Variants in PANK3 observed in about 807,000 individuals in gnomAD.
PANK3 encodes the protein hPanK3.
A neutral mutation model predicts 39.4 loss-of-function variants in PANK3; 20 were observed. The ratio of observed to expected loss-of-function variants is 0.51; its 90% CI spans 0.36 to 0.74. The LOEUF is 0.74. Among genes scored for constraint, PANK3 ranks in the 30% least tolerant of loss-of-function variants. PANK3 has a pLI of 0.00. For synonymous variants in PANK3, 140 were observed against 157.3 expected (o/e 0.89, Z 0.82); for missense variants, 265 against 437.0 (o/e 0.61, Z 3.51).
Position 168,568,686 on chromosome 5 carries a change from G to A in PANK3, c.341C>T (p.Thr114Ile). 7 of 1,613,924 alleles carry A rather than the reference G, an allele frequency of 4.3e-6. No individual in the cohort carries two copies. Among genetic ancestry groups the A allele is most frequent in the Non-Finnish European group, 5.1e-6 (6 of 1,179,918 alleles). The change falls in exon 2 of 7, where the codon ACA (threonine) becomes ATA (isoleucine). Residue 114 changes from threonine to isoleucine, a missense_variant. Thr to Ile is a moderately conservative substitution (Grantham distance 89). Transcript: ENST00000239231. ...FSTLQTVLCA[T>I]GGGAYKFEKD... is the part of the protein sequence containing the mutation. ...TTCAAACTTGTAAGCACCACCTCCT[G>A]TAGCACATAGCACCGTCTGCAATGT...
chr5:168,576,236 AAATATATGCTAT>A (rs1759728522), intron 1 of PANK3, among the ~76,000 whole-genome samples: 1 of 152,220 alleles, frequency 6.6e-6, no homozygotes, highest in African/African-American at 2.4e-5. Flanking sequence ...CACAAACTAC[AAATATATGCTAT>A]ACCATTTTCT....
Position 168,557,301 on chromosome 5 carries a change from C to T in PANK3, c.*270G>A, listed in dbSNP as rs1488610254. The T allele has an allele frequency of 5.4e-6, 2 of 368,082 alleles. No individual in the cohort carries two copies. Among genetic ancestry groups the T allele is most frequent in the Non-Finnish European group, 1.0e-5 (2 of 199,836 alleles). The allele number at this position is 368,082 out of a possible 1,614,324, so 22.8% of individuals were successfully genotyped here. Reference sequence around the variant, plus strand: ...GCATACAGTACTGCAATGTTGGCTACATAAAATAAAAAAATCTTTTTAAGA... The same window carrying T: ...GCATACAGTACTGCAATGTTGGCTATATAAAATAAAAAAATCTTTTTAAGA... On this transcript the variant is annotated 3_prime_UTR_variant, in exon 7 of 7. Coordinates refer to ENST00000239231, the MANE Select transcript of PANK3 (RefSeq NM_024594.4).
rs959097943 is a variant in PANK3, at chr5:168,548,734, T to G, written c.*8837A>C. ...CAGAATGCGCCATGGCAAACATTTT[T>G]CAAATTTACATAAGATACTGTACAT... On this transcript the variant is annotated 3_prime_UTR_variant, in exon 7 of 7. Transcript: ENST00000239231. 6.6e-6 allele frequency: 1 copy of G among 152,172 alleles called. No homozygotes were observed. The highest frequency in any genetic ancestry group is 2.4e-5 in the African/African-American group (1 of 41,442). 9.4% of individuals were successfully genotyped at this position (152,172 alleles called of 1,614,324 possible).
chr5:168,573,237 G>T (rs897312753), intron 1 of PANK3, among the ~76,000 whole-genome samples: 2 of 151,436 alleles, frequency 1.3e-5, no homozygotes, highest in African/African-American at 4.9e-5. Flanking sequence ...ACAAAGCAGG[G>T]ACTGAAAGAG....
chr5:168,566,315 C>A, intron 2 of PANK3, 49 bp from the exon 3 acceptor site: 1 of 1,533,166 alleles, frequency 6.5e-7, no homozygotes, highest in Non-Finnish European at 8.8e-7. Context: ...TTCAAAAACA[C>A]TCAACTATAT....
chr5:168,565,448 G>T (rs1463716547), intron 3 of PANK3, among the ~76,000 whole-genome samples: 1 of 151,972 alleles, frequency 6.6e-6, no homozygotes, highest in Admixed American at 6.6e-5. Flanking sequence ...TGCAGTTTAA[G>T]GGTTTACATA....
At position 168,554,045 on chromosome 5, in the gene PANK3, A is replaced by T. The variant is rs1344707036; in HGVS notation, c.*3526T>A. On this transcript the variant is annotated 3_prime_UTR_variant, in exon 7 of 7. Transcript: ENST00000239231. ...GCAATACTGCAGAATTACTAAAAGG[A>T]TCAGTGTTTAGTAAACAAAAGCATA... 1 of 152,234 alleles carries T rather than the reference A, an allele frequency of 6.6e-6. No homozygotes were observed. Among genetic ancestry groups the T allele is most frequent in the Non-Finnish European group, 1.5e-5 (1 of 68,042 alleles). The allele number at this position is 152,234 out of a possible 1,614,324, so 9.4% of individuals were successfully genotyped here. A position where few individuals can be genotyped will look rare whatever the true frequency, so the allele number is the denominator to read the frequency against.
chr5:168,563,531 T>C (rs916450175), intron 4 of PANK3, among the ~76,000 whole-genome samples: 4 of 152,126 alleles, frequency 2.6e-5, no homozygotes, highest in Admixed American at 6.6e-5. Context: ...CTGTATAAAA[T>C]AAGGTCAACA....
chr5:168,567,023 C>T (rs1050778452), intron 2 of PANK3, among the ~76,000 whole-genome samples: 33 of 152,156 alleles, frequency 2.2e-4, no homozygotes, highest in African/African-American at 7.2e-4. Context: ...GAATTACAGG[C>T]GTGAGCCACT....
chr5:168,577,756 T>C (rs1420041437), intron 1 of PANK3, among the ~76,000 whole-genome samples: 2 of 152,306 alleles, frequency 1.3e-5, no homozygotes, highest in East Asian at 3.9e-4. Context: ...ATCACTATCA[T>C]GACAAAAGAA....
chr5:168,568,793 T>C lies in PANK3; in HGVS notation c.234A>G (p.Arg78=). Reference sequence around the variant, plus strand: ...ACCTGATAAAGTGCAAGTTCCCTCTTCGGCCAAAAAGTGTTAAATCTTTCA... The same window carrying C: ...ACCTGATAAAGTGCAAGTTCCCTCTCCGGCCAAAAAGTGTTAAATCTTTCA... ...LELKDLTLFG[R]RGNLHFIRFP... The change falls in exon 2 of 7, where the codon CGA becomes CGG. Residue 78 remains arginine (R), a synonymous_variant. Transcript: ENST00000239231. 6.2e-7 allele frequency: 1 copy of C among 1,613,994 alleles called. No individual in the cohort carries two copies. The highest frequency in any genetic ancestry group is 1.1e-5 in the South Asian group (1 of 91,070).
intron 4 of PANK3, among the ~76,000 whole-genome samples, chr5:168,562,145 A>G (rs1759457961): frequency 1.3e-5 from 2 of 152,194 alleles, no homozygotes; most frequent in South Asian, 4.1e-4. Context: ...ACTGTAATGG[A>G]CAATGCAGGC....
upstream of PANK3, chr5:168,579,368 C>CCTAGTGTGCATTTTCTACACACCAA: frequency 7.6e-6 from 9 of 1,191,020 alleles, no homozygotes; most frequent in South Asian, 2.2e-4. Flanking sequence ...CTGGGCCGCG[C>CCTAGTGTGCATTTTCTACACACCAA]GGCGAGGCCC....
intron 1 of PANK3, among the ~76,000 whole-genome samples, chr5:168,571,196 T>C (rs950447550): frequency 6.6e-6 from 1 of 152,222 alleles, no homozygotes. Flanking sequence ...ACAATCCTTA[T>C]ACTGACACAA....
chr5:168,575,018 A>C (rs1220519739), intron 1 of PANK3, among the ~76,000 whole-genome samples: 1 of 152,030 alleles, frequency 6.6e-6, no homozygotes, highest in Non-Finnish European at 1.5e-5. Flanking sequence ...TTTTTTTCAG[A>C]ATAAAACATT....
chr5:168,568,527 C>A lies in PANK3; in HGVS notation c.381+119G>T, dbSNP rs1258159037. ...TTAAAACGCCCCAAGTGAAAGGCAA[C>A]CATGGATACATATTTCCCACTGCAT... On this transcript the variant is annotated intron_variant, in intron 2 of 6. Coordinates refer to ENST00000239231, the MANE Select transcript of PANK3 (RefSeq NM_024594.4). 14 of 793,522 alleles carry A rather than the reference C, an allele frequency of 1.8e-5. No homozygotes were observed. The South Asian group carries it at 2.4e-4, about 14-fold the overall frequency. The allele number at this position is 793,522 out of a possible 1,614,324, so 49.2% of individuals were successfully genotyped here. A position where few individuals can be genotyped will look rare whatever the true frequency, so the allele number is the denominator to read the frequency against.
In PANK3 at chr5:168,551,031, G is replaced by A. The variant is rs1240875759; in HGVS notation, c.*6540C>T. On this transcript the variant is annotated 3_prime_UTR_variant, in exon 7 of 7. Transcript: ENST00000239231. The stretch of plus-strand genomic sequence containing the variant: ...AAATTTAGATATGTCAGAAAAGCTG[G>A]GATGATTGATTTTCACACCACCATT... 6.6e-6 allele frequency: 1 copy of A among 152,064 alleles called. No individual in the cohort carries two copies. The highest frequency in any genetic ancestry group is 1.5e-5 in the Non-Finnish European group (1 of 67,990). The allele number at this position is 152,064 out of a possible 1,614,324, so 9.4% of individuals were successfully genotyped here.
chr5:168,566,007 C>T lies in PANK3; in HGVS notation c.635+6G>A. ...AATGCAGCAATACAACCAAAAAGGT[C>T]ACTACCTTGTCCCAGTCACTCGTTT... On this transcript the variant is annotated splice_donor_region_variant and intron_variant, in intron 3 of 6. Coordinates refer to ENST00000239231, the MANE Select transcript of PANK3 (RefSeq NM_024594.4). The T allele has an allele frequency of 1.2e-6, 2 of 1,603,330 alleles. No individual in the cohort carries two copies. Among genetic ancestry groups the T allele is most frequent in the Middle Eastern group, 1.7e-4 (1 of 5,982 alleles).
Position 168,565,887 on chromosome 5 carries a change from T to TATATATATATATATATATATA in PANK3, c.635+125_635+126insTATATATATATATATATATAT, listed in dbSNP as rs57306546. 4.5e-4 allele frequency: 67 copies of TATATATATATATATATATATA among 147,922 alleles called. 3 individuals carry two copies. The highest frequency in any genetic ancestry group is 4.3e-4 in the Non-Finnish European group (38 of 87,510). 9.2% of individuals were successfully genotyped at this position (147,922 alleles called of 1,614,324 possible). Reference sequence around the variant, plus strand: ...AAAAAAAATATATATATATATATATTTTTTTTTTTTGCTGTTGTGCAAATA... The same window carrying TATATATATATATATATATATA: ...AAAAAAAATATATATATATATATATTATATATATATATATATATATATTTTTTTTTTGCTGTTGTGCAAATA... On this transcript the variant is annotated intron_variant, in intron 3 of 6. Coordinates refer to ENST00000239231, the MANE Select transcript of PANK3 (RefSeq NM_024594.4).
Sources: gnomAD v4.1 joint callset for allele counts (sites outside exome capture counted in the v4.1 genomes callset) on GRCh38, gnomAD v4.1.1 for gene constraint, MANE v1.5 for transcripts, NCBI Gene and HGNC (gene_info 2026-07-23, HGNC 2026-07-21) for gene names.